Variants in CWF19L2 observed in about 807,000 individuals in gnomAD.
The protein encoded by CWF19L2 is CWF19 like cell cycle control factor 2, also known as CWF19-like protein 2.
Under a neutral mutation model 111.7 loss-of-function variants are expected in CWF19L2, and 98 were observed. The ratio of observed to expected loss-of-function variants is 0.88; its 90% CI spans 0.75 to 1.04. The LOEUF (loss-of-function observed/expected upper bound fraction) is 1.04. CWF19L2 is among the 50% of genes least tolerant of loss of function. The probability of loss-of-function intolerance (pLI) is 0.00; values close to 1 mark genes in which losing one functional copy is unlikely to be tolerated. For synonymous variants in CWF19L2, 351 were observed against 342.9 expected, an observed-to-expected ratio of 1.02 and a Z score of -0.26; for missense variants, 1,101 against 1,051.4, an observed-to-expected ratio of 1.05 and a Z score of -0.65.
intron 16 of CWF19L2, among the ~76,000 whole-genome samples, chr11:107,334,354 A>G (rs1472608983): frequency 2.0e-5 from 3 of 152,262 alleles, no homozygotes; most frequent in Admixed American, 6.5e-5. Context: ...ATCTACAAAT[A>G]AAGATTAAAC....
intron 8 of CWF19L2, among the ~76,000 whole-genome samples, chr11:107,423,791 C>G (rs957387263): frequency 6.6e-6 from 1 of 151,844 alleles, no homozygotes; most frequent in Non-Finnish European, 1.5e-5. Flanking sequence ...TTAAGTCTGA[C>G]AGGATCAGAA....
At chr11:107,402,781 G>A (rs567303707) in intron 10 of CWF19L2, among the ~76,000 whole-genome samples, 111 of 149,948 alleles carry the variant, frequency 7.4e-4, no homozygotes, top group East Asian at 4.3e-3. Flanking sequence ...ACTTGTACAC[G>A]CATGTTTATT....
At chr11:107,444,507 T>C (rs1861674963) in intron 3 of CWF19L2, among the ~76,000 whole-genome samples, 1 of 152,224 alleles carries the variant, frequency 6.6e-6, no homozygotes, top group African/African-American at 2.4e-5. Context: ...AATATCTTGT[T>C]ATTTGGGATT....
chr11:107,336,426 G>T, intron 15 of CWF19L2, 132 bp downstream of exon 15: 1 of 754,458 alleles, frequency 1.3e-6, no homozygotes. Context: ...ACTGTGCCCG[G>T]CCTATTTCAT....
intron 8 of CWF19L2, among the ~76,000 whole-genome samples, chr11:107,422,019 C>T (rs1002432118): frequency 6.6e-6 from 1 of 151,922 alleles, no homozygotes; most frequent in Non-Finnish European, 1.5e-5. Context: ...TAGTATATTA[C>T]CCATCAATAA....
chr11:107,378,534 G>A lies in CWF19L2; in HGVS notation c.1872+11540C>T, dbSNP rs141719240. 1.5e-3 allele frequency among the ~76,000 whole-genome samples: 233 copies of A among 152,170 alleles called. 2 individuals are homozygous for A. In the East Asian group the frequency reaches 0.029, roughly 19 times the overall value. On this transcript the variant is annotated intron_variant, in intron 12 of 17. Transcript: ENST00000282251. ...TTGCAAGAACAAAAAACCAAACACC[G>A]CGTATTCTCACGCATAGGTGGGAAT...
chr11:107,344,908 G>T (rs1288533448), intron 14 of CWF19L2, among the ~76,000 whole-genome samples: 1 of 152,116 alleles, frequency 6.6e-6, no homozygotes, highest in Non-Finnish European at 1.5e-5. Context: ...TAGAAGTTCA[G>T]GTTCCCAACT....
At chr11:107,416,020 G>A (rs780558959) in intron 10 of CWF19L2, among the ~76,000 whole-genome samples, 189 bp downstream of exon 10, 1 of 151,958 alleles carries the variant, frequency 6.6e-6, no homozygotes, top group African/African-American at 2.4e-5. Context: ...TTGCTTGAAC[G>A]TGGGAGGCAG....
chr11:107,403,567 A>C (rs540093127), intron 10 of CWF19L2: 2 of 794,382 alleles, frequency 2.5e-6, no homozygotes, highest in Admixed American at 1.7e-5. Flanking sequence ...CTTCTTCACC[A>C]TTCTGTTGAC....
intron 12 of CWF19L2, among the ~76,000 whole-genome samples, chr11:107,364,258 G>A (rs1187552471): frequency 3.5e-5 from 5 of 144,772 alleles, no homozygotes; most frequent in African/African-American, 1.3e-4. Flanking sequence ...ACATTAGACA[G>A]ATCAACGAGA....
Position 107,330,041 on chromosome 11 carries a change from A to G in CWF19L2, c.2440-22T>C, listed in dbSNP as rs1312869070. On this transcript the variant is annotated intron_variant, in intron 16 of 17. Coordinates refer to ENST00000282251, the MANE Select transcript of CWF19L2 (RefSeq NM_152434.3). ...GTACCTAAATAAACAGACAAATCAC[A>G]AATGGAATACAGTATGAAACCAGAA... 3.5e-6 allele frequency: 5 copies of G among 1,443,516 alleles called. No homozygotes were observed. In the East Asian group the frequency reaches 1.2e-4, roughly 35 times the overall value. The allele number at this position is 1,443,516 out of a possible 1,614,324, so 89.4% of individuals were successfully genotyped here.
intron 10 of CWF19L2, among the ~76,000 whole-genome samples, chr11:107,402,385 GA>G (rs113872783): frequency 0.021 from 2,695 of 126,838 alleles, 28 homozygotes; most frequent in South Asian, 0.045. Flanking sequence ...AAATCAGTAA[GA>G]AAAAAAAAAA....
intron 11 of CWF19L2, among the ~76,000 whole-genome samples, chr11:107,390,523 T>C (rs1860832335): frequency 2.0e-5 from 3 of 152,208 alleles, no homozygotes; most frequent in South Asian, 4.1e-4. Flanking sequence ...CTTCTCCTTA[T>C]AGTTAAAATT....
intron 10 of CWF19L2, among the ~76,000 whole-genome samples, chr11:107,412,949 T>C (rs1343187284): frequency 6.6e-6 from 1 of 152,106 alleles, no homozygotes; most frequent in East Asian, 1.9e-4. Context: ...ACTAAAAAGA[T>C]CCGAGGTTGC....
intron 10 of CWF19L2, chr11:107,404,398 C>T: frequency 1.3e-6 from 1 of 787,078 alleles, no homozygotes; most frequent in South Asian, 1.3e-5. Flanking sequence ...TATCTGGTGG[C>T]TTTGGGGGTT....
intron 10 of CWF19L2, chr11:107,403,610 G>A: frequency 1.3e-6 from 1 of 780,602 alleles, no homozygotes; most frequent in Non-Finnish European, 2.3e-6. Flanking sequence ...TGTCTTCTCT[G>A]TCTCCATTGG....
At chr11:107,421,230 T>C (rs113226686) in intron 8 of CWF19L2, among the ~76,000 whole-genome samples, 84 of 152,198 alleles carry the variant, frequency 5.5e-4, no homozygotes, top group Non-Finnish European at 1.1e-3. Flanking sequence ...AGGAAAATTA[T>C]ATGACACATG....
chr11:107,417,605 A>C (rs894988242), intron 9 of CWF19L2, among the ~76,000 whole-genome samples: 15 of 152,344 alleles, frequency 9.8e-5, no homozygotes, highest in African/African-American at 3.6e-4. Flanking sequence ...AATATGCTCA[A>C]TGAGTTACAA....
chr11:107,330,817 C>CA (rs5794536), intron 16 of CWF19L2, among the ~76,000 whole-genome samples: 152,262 of 152,262 alleles, frequency 1, 76,131 homozygotes, highest in Non-Finnish European at 1. Context: ...CCAAGTGGGT[C>CA]ATTTATAGCA....
Sources: gnomAD v4.1 joint callset for allele counts (sites outside exome capture counted in the v4.1 genomes callset) on GRCh38, gnomAD v4.1.1 for gene constraint, MANE v1.5 for transcripts, NCBI Gene and HGNC (gene_info 2026-07-23, HGNC 2026-07-21) for gene names.